KCTD16: variants seen among roughly 807,000 people sequenced by gnomAD.
KCTD16 encodes potassium channel tetramerization domain containing 16, also known as BTB/POZ domain-containing protein KCTD16.
KCTD16 carries 13 observed loss-of-function variants against 33.2 expected under a neutral mutation model. That is an observed-to-expected ratio of 0.39 (90% CI 0.25 to 0.62). The LOEUF is 0.62. Ranked by LOEUF, KCTD16 falls within the 20% of genes least tolerant of loss-of-function variation. The probability of loss-of-function intolerance (pLI) is 0.50; values close to 1 mark genes in which losing one functional copy is unlikely to be tolerated. For synonymous variants in KCTD16, 197 were observed against 195.3 expected (o/e 1.01, Z -0.07); for missense variants, 441 against 525.1 (o/e 0.84, Z 1.57).
chr5:144,436,286 T>A (rs1300455428), intron 3 of KCTD16, among the ~76,000 whole-genome samples: 2 of 152,212 alleles, frequency 1.3e-5, no homozygotes, highest in African/African-American at 4.8e-5. Context: ...ATTAATATGA[T>A]CTGGTGCCCT....
intron 3 of KCTD16, among the ~76,000 whole-genome samples, chr5:144,322,303 G>T (rs1241016981): frequency 6.6e-6 from 1 of 152,114 alleles, no homozygotes; most frequent in Non-Finnish European, 1.5e-5. Context: ...TAGTTGTGCA[G>T]TCAACTCAGG....
intron 3 of KCTD16, among the ~76,000 whole-genome samples, chr5:144,305,304 G>A (rs1751571233): frequency 6.6e-6 from 1 of 152,166 alleles, no homozygotes; most frequent in Admixed American, 6.5e-5. Flanking sequence ...AAGCTGCAGA[G>A]TGTCCATCTA....
Position 144,283,316 on chromosome 5 carries a change from A to G in KCTD16, c.832+75770A>G, listed in dbSNP as rs12653359. Among the ~76,000 whole-genome samples the G allele has an allele frequency of 5.7e-4, 87 of 152,324 alleles. No individual in the cohort carries two copies. In the East Asian group the frequency reaches 0.015, roughly 27 times the overall value. ...ACCACCAGCTCTATTATTTACTTTT[A>G]GTGTAATCAGATAGTTGCCTTATGC... On this transcript the variant is annotated intron_variant, in intron 3 of 3. Transcript: ENST00000512467.
In KCTD16 at chr5:144,325,069, G is replaced by A. The variant is rs368844782; in HGVS notation, c.832+117523G>A. 9.2e-5 allele frequency among the ~76,000 whole-genome samples: 14 copies of A among 152,244 alleles called. 1 individual carries two copies. The highest frequency in any genetic ancestry group is 5.8e-4 in the East Asian group (3 of 5,188). ...TCTGCATGTCCCACACATGTATCCC[G>A]GAGCTTATAATAAAATAAAATAAAA... On this transcript the variant is annotated intron_variant, in intron 3 of 3. Transcript: ENST00000512467.
intron 3 of KCTD16, among the ~76,000 whole-genome samples, chr5:144,409,167 C>G (rs1203860492): frequency 6.6e-6 from 1 of 152,184 alleles, no homozygotes; most frequent in Non-Finnish European, 1.5e-5. Context: ...TCCTTTCCAT[C>G]ACTGAACAGA....
intron 3 of KCTD16, among the ~76,000 whole-genome samples, chr5:144,221,375 A>G (rs562096755): frequency 5.9e-5 from 9 of 152,198 alleles, no homozygotes; most frequent in African/African-American, 1.4e-4. Context: ...CCATCATCCC[A>G]TCACCTACAT....
At chr5:144,311,402 T>A (rs1335942842) in intron 3 of KCTD16, among the ~76,000 whole-genome samples, 4 of 152,212 alleles carry the variant, frequency 2.6e-5, no homozygotes, top group Non-Finnish European at 1.5e-5. Flanking sequence ...GGATAATTAT[T>A]ATTCTTTAAA....
chr5:144,306,688 G>C (rs1751610573), intron 3 of KCTD16, among the ~76,000 whole-genome samples: 1 of 152,158 alleles, frequency 6.6e-6, no homozygotes. Context: ...ACCTACCTTG[G>C]GATCACCTGG....
chr5:144,299,061 TA>T (rs1561558168), intron 3 of KCTD16, among the ~76,000 whole-genome samples: 1,317 of 94,274 alleles, frequency 0.014, 150 homozygotes, highest in Middle Eastern at 0.034. Context: ...TATATATATA[TA>T]TATATATATA....
At chr5:144,177,137 T>G (rs1282768208) in intron 2 of KCTD16, among the ~76,000 whole-genome samples, 1 of 152,152 alleles carries the variant, frequency 6.6e-6, no homozygotes, top group African/African-American at 2.4e-5. Context: ...ATTTTCTGGG[T>G]TTTCTTCCAG....
At chr5:144,222,990 T>C (rs1391560494) in intron 3 of KCTD16, among the ~76,000 whole-genome samples, 3 of 152,118 alleles carry the variant, frequency 2.0e-5, no homozygotes, top group African/African-American at 7.2e-5. Flanking sequence ...ATGTCTTTTG[T>C]AGGGACATGG....
At chr5:144,199,887 T>C in intron 2 of KCTD16, among the ~76,000 whole-genome samples, 1 of 151,900 alleles carries the variant, frequency 6.6e-6, no homozygotes. Context: ...ACTAATTTTT[T>C]GTATTTTAGT....
At chr5:144,411,301 T>G (rs1418929956) in intron 3 of KCTD16, among the ~76,000 whole-genome samples, 1 of 152,142 alleles carries the variant, frequency 6.6e-6, no homozygotes, top group Non-Finnish European at 1.5e-5. Flanking sequence ...AAAGCTGTAG[T>G]AACCAAATCA....
At chr5:144,467,545 C>T (rs1485372022) in intron 3 of KCTD16, among the ~76,000 whole-genome samples, 1 of 152,130 alleles carries the variant, frequency 6.6e-6, no homozygotes, top group Admixed American at 6.6e-5. Context: ...TAGAAACCCA[C>T]CCGTGTTTAC....
At chr5:144,211,138 G>A (rs1014437111) in intron 3 of KCTD16, among the ~76,000 whole-genome samples, 2 of 151,866 alleles carry the variant, frequency 1.3e-5, no homozygotes, top group Non-Finnish European at 2.9e-5. Context: ...GATTAAGATA[G>A]GCTGTTGGAA....
chr5:144,422,270 G>A (rs1053889345), intron 3 of KCTD16, among the ~76,000 whole-genome samples: 2 of 152,140 alleles, frequency 1.3e-5, no homozygotes, highest in African/African-American at 4.8e-5. Context: ...TTTCTAAGCT[G>A]TTGATTTACA....
intron 2 of KCTD16, among the ~76,000 whole-genome samples, chr5:144,180,937 C>T (rs1454391958): frequency 3.4e-5 from 5 of 145,380 alleles, no homozygotes; most frequent in African/African-American, 5.0e-5. Context: ...TTTCTTTTTT[C>T]TTTTTTTTTT....
At chr5:144,321,182 T>C (rs894526735) in intron 3 of KCTD16, among the ~76,000 whole-genome samples, 2 of 152,182 alleles carry the variant, frequency 1.3e-5, no homozygotes, top group South Asian at 2.1e-4. Context: ...ATGAAAACTT[T>C]GCTACTCTAT....
At chr5:144,363,840 T>C (rs1407002687) in intron 3 of KCTD16, among the ~76,000 whole-genome samples, 2 of 152,198 alleles carry the variant, frequency 1.3e-5, no homozygotes, top group African/African-American at 4.8e-5. Context: ...TGAACCTCTT[T>C]CCTGGCATAC....
Sources: allele counts gnomAD v4.1 joint callset (sites outside exome capture counted in the v4.1 genomes callset), GRCh38; gene constraint gnomAD v4.1.1; transcripts MANE v1.5; gene names NCBI Gene and HGNC (gene_info 2026-07-23, HGNC 2026-07-21).